GASK1A: variants seen among roughly 807,000 people sequenced by gnomAD.
The protein encoded by GASK1A is golgi associated kinase 1A.
Under a neutral mutation model 41.2 loss-of-function variants are expected in GASK1A, and 40 were observed. The observed-to-expected ratio is 0.97, with a 90% confidence interval of 0.75 to 1.27. The LOEUF (loss-of-function observed/expected upper bound fraction) is 1.27. Ranked by LOEUF, GASK1A falls within the 50% of genes most tolerant of loss-of-function variation. GASK1A has a pLI of 0.00. For synonymous variants in GASK1A, 316 were observed against 307.1 expected (o/e 1.03, Z -0.30); for missense variants, 678 against 745.1 (o/e 0.91, Z 1.05).
intron 2 of GASK1A, among the ~76,000 whole-genome samples, chr3:43,048,901 G>A (rs376796084): frequency 6.6e-5 from 10 of 152,268 alleles, no homozygotes; most frequent in Admixed American, 3.3e-4. Flanking sequence ...TTCAGGGGGC[G>A]CATCACTTGG....
chr3:43,049,571 G>A (rs189408851), intron 2 of GASK1A, among the ~76,000 whole-genome samples: 275 of 151,006 alleles, frequency 1.8e-3, no homozygotes, highest in Non-Finnish European at 3.3e-3. Flanking sequence ...CAATCTTCTG[G>A]GCTTTGTGCA....
chr3:43,049,699 A>G (rs1347231189), intron 2 of GASK1A, among the ~76,000 whole-genome samples: 1 of 100,194 alleles, frequency 1.0e-5, no homozygotes, highest in Admixed American at 1.2e-4. Flanking sequence ...GTTTAACTGT[A>G]TAAAACAGAA....
chr3:43,054,445 G>A (rs1199448487), intron 3 of GASK1A, among the ~76,000 whole-genome samples: 1 of 152,196 alleles, frequency 6.6e-6, no homozygotes, highest in African/African-American at 2.4e-5. Context: ...GTTTACCCCT[G>A]GTGAGCAGGC....
intron 1 of GASK1A, among the ~76,000 whole-genome samples, chr3:43,014,105 TCACAGGAAGGGGCTGTGTGAAGC>T (rs2089477978): frequency 6.8e-6 from 1 of 146,370 alleles, no homozygotes; most frequent in Non-Finnish European, 1.5e-5. Flanking sequence ...CAGTAGGAAG[TCACAGGAAGGGGCTGTGTGAAGC>T]CACAGGAAGG....
chr3:43,033,350 G>C lies in GASK1A; in HGVS notation c.1087G>C (p.Gly363Arg), dbSNP rs776498353. The change falls in exon 2 of 5, where the codon GGT becomes CGT. Residue 363 changes from glycine (G) to arginine (R), a missense_variant. Physicochemically the swap from Gly to Arg is moderately radical, Grantham distance 125. Transcript: ENST00000430121. ...SPLLPYRYTDGGARPVIWWAP... is the reference protein window; with the variant it reads ...SPLLPYRYTDRGARPVIWWAP... ...CCTCCTGCCCTACCGATACACAGAC[G>C]GTGGAGCAAGGCCTGTCATCTGGTG... 34 of 1,551,232 alleles carry C rather than the reference G, an allele frequency of 2.2e-5. No individual in the cohort carries two copies. Among genetic ancestry groups the C allele is most frequent in the Non-Finnish European group, 3.0e-5 (34 of 1,146,800 alleles).
intron 1 of GASK1A, among the ~76,000 whole-genome samples, chr3:42,994,828 A>G (rs1237046746): frequency 6.6e-6 from 1 of 150,944 alleles, no homozygotes; most frequent in African/African-American, 2.4e-5. Flanking sequence ...GATGTGGGCA[A>G]CAGATGTTTC....
Position 43,030,068 on chromosome 3 carries a change from C to G in GASK1A, c.4-2199C>G, listed in dbSNP as rs1220847698. On this transcript the variant is annotated intron_variant, in intron 1 of 4. Transcript: ENST00000430121. ...CTGGAGTGCAATGGTGCAATTTTGG[C>G]TCACTGCAACCTCCACCTCCCGGGT... Among the ~76,000 whole-genome samples, 3 of 152,182 alleles carry G rather than the reference C, an allele frequency of 2.0e-5. No individual in the cohort carries two copies. In the East Asian group the frequency reaches 5.8e-4, roughly 29 times the overall value.
At chr3:43,042,297 T>C (rs1395079411) in intron 2 of GASK1A, among the ~76,000 whole-genome samples, 1 of 108,418 alleles carries the variant, frequency 9.2e-6, no homozygotes, top group Admixed American at 1.1e-4. Flanking sequence ...AGGGAAACCT[T>C]GTCCCTACAA....
At chr3:43,056,008 C>G (rs915644888) in intron 4 of GASK1A, 168 bp from the exon 5 acceptor site, 1 of 609,186 alleles carries the variant, frequency 1.6e-6, no homozygotes, top group East Asian at 2.8e-5. Flanking sequence ...GCAAAGGGTC[C>G]TCTGTTAGTG....
chr3:43,019,783 CA>C (rs1233142802), intron 1 of GASK1A, among the ~76,000 whole-genome samples: 8 of 152,138 alleles, frequency 5.3e-5, no homozygotes, highest in Non-Finnish European at 1.0e-4. Context: ...CACACACACA[CA>C]CACACCCCAT....
chr3:42,995,160 G>A lies in GASK1A; in HGVS notation c.3+15515G>A, dbSNP rs78813964. On this transcript the variant is annotated intron_variant, in intron 1 of 4. Coordinates refer to ENST00000430121, the MANE Select transcript of GASK1A (RefSeq NM_001129908.3). ...GTGAAGGAAGTGGGCTGGGTGTAAC[G>A]AAAACAAATCCGCCTATGTTTCGTT... Among the ~76,000 whole-genome samples, 626 of 152,310 alleles carry A rather than the reference G, an allele frequency of 4.1e-3. 8 individuals carry two copies. The highest frequency in any genetic ancestry group is 0.031 in the East Asian group (162 of 5,192).
intron 1 of GASK1A, among the ~76,000 whole-genome samples, chr3:42,991,132 G>A (rs1575434982): frequency 3.3e-5 from 5 of 151,868 alleles, no homozygotes; most frequent in South Asian, 4.2e-4. Context: ...GTCTCCTGGG[G>A]GCTTCTCTTC....
Position 43,033,029 on chromosome 3 carries a change from C to T in GASK1A, c.766C>T (p.Gln256Ter), listed in dbSNP as rs2089586547. The change falls in exon 2 of 5, where the codon CAG becomes TAG. Residue 256 changes from glutamine to a stop codon, truncating the protein, a stop_gained. Coordinates refer to ENST00000430121, the MANE Select transcript of GASK1A (RefSeq NM_001129908.3). LOFTEE classifies it high-confidence loss of function. The stretch of plus-strand genomic sequence containing the variant: ...GTTGAGCAGCTCGAGGACTGGTGGG[C>T]AGGCTCCCCCATGGCTGACAGACCA... ...TLLSSSRTGG[Q>*]APPWLTDHDV... is the part of the protein sequence containing the mutation. 5 of 1,551,722 alleles carry T rather than the reference C, an allele frequency of 3.2e-6. No individual in the cohort carries two copies. Among genetic ancestry groups the T allele is most frequent in the Non-Finnish European group, 4.4e-6 (5 of 1,146,998 alleles).
At position 42,979,621 on chromosome 3, in the gene GASK1A, C is replaced by T; in HGVS notation, c.-22C>T. 4 of 1,243,244 alleles carry T rather than the reference C, an allele frequency of 3.2e-6. No individual in the cohort carries two copies. Among genetic ancestry groups the T allele is most frequent in the Non-Finnish European group, 4.0e-6 (4 of 987,682 alleles). The allele number at this position is 1,243,244 out of a possible 1,614,324, so 77.0% of individuals were successfully genotyped here. ...GAGCCGGCTGAGCGCGCCGAGGAGCCGGCCGGGGCACCGCCGGGGACATGG... is the reference window on the plus strand; with the variant it reads ...GAGCCGGCTGAGCGCGCCGAGGAGCTGGCCGGGGCACCGCCGGGGACATGG... On this transcript the variant is annotated 5_prime_UTR_variant, in exon 1 of 5. Coordinates refer to ENST00000430121, the MANE Select transcript of GASK1A (RefSeq NM_001129908.3).
Position 43,033,661 on chromosome 3 carries a change from T to C in GASK1A, c.1290+108T>C, listed in dbSNP as rs1404060274. The C allele has an allele frequency of 4.7e-6, 5 of 1,074,378 alleles. No homozygotes were observed. In the East Asian group the frequency reaches 1.4e-4, roughly 29 times the overall value. The allele number at this position is 1,074,378 out of a possible 1,614,324, so 66.6% of individuals were successfully genotyped here. The stretch of plus-strand genomic sequence containing the variant: ...TTAGATGGTGACTCTCCCCCAAGTC[T>C]TGGTTTTTTGACCACCAAGCACCTG... On this transcript the variant is annotated intron_variant, in intron 2 of 4. Coordinates refer to ENST00000430121, the MANE Select transcript of GASK1A (RefSeq NM_001129908.3).
chr3:43,047,719 G>T (rs996983698), intron 2 of GASK1A, among the ~76,000 whole-genome samples: 7 of 152,118 alleles, frequency 4.6e-5, no homozygotes, highest in African/African-American at 1.7e-4. Context: ...GCAACTACCT[G>T]CAGGCATCCT....
intron 1 of GASK1A, among the ~76,000 whole-genome samples, chr3:43,031,224 C>T (rs1002899551): frequency 6.6e-6 from 1 of 152,150 alleles, no homozygotes; most frequent in Non-Finnish European, 1.5e-5. Context: ...CAGGGCTCTG[C>T]CTGTAGGTCT....
At position 42,984,922 on chromosome 3, in the gene GASK1A, C is replaced by T. The variant is rs573833289; in HGVS notation, c.3+5277C>T. On this transcript the variant is annotated intron_variant, in intron 1 of 4. Transcript: ENST00000430121. The surrounding 1 kb of genome is among the most constrained non-coding windows in gnomAD (Gnocchi z 4.2). ...AAGGTCATCGTTGTCTTGAGATACT[C>T]TCCAGGTGGGAAAGAGTTTTGGAGT... Among the ~76,000 whole-genome samples, 3 of 152,274 alleles carry T rather than the reference C, an allele frequency of 2.0e-5. No homozygotes were observed. In the South Asian group the frequency reaches 6.2e-4, roughly 32 times the overall value.
chr3:43,031,162 A>G (rs2089574013), intron 1 of GASK1A, among the ~76,000 whole-genome samples: 1 of 152,176 alleles, frequency 6.6e-6, no homozygotes, highest in African/African-American at 2.4e-5. Context: ...GATTTGGACT[A>G]GATTGTCCAT....
Sources: allele counts gnomAD v4.1 joint callset (sites outside exome capture counted in the v4.1 genomes callset), GRCh38; gene constraint gnomAD v4.1.1; non-coding constraint Gnocchi (gnomAD v3.1); transcripts MANE v1.5; gene names NCBI Gene and HGNC (gene_info 2026-07-23, HGNC 2026-07-21).